Variants in RRM2 observed in about 807,000 individuals in gnomAD.
RRM2 encodes the protein ribonucleotide reductase regulatory subunit M2.
In RRM2, 6 loss-of-function variants were observed where a neutral mutation model predicts 45.9. That is an observed-to-expected ratio of 0.13 (90% CI 0.07 to 0.26). RRM2 has a LOEUF of 0.26. RRM2 is among the 10% of genes least tolerant of loss of function. The pLI, the probability that RRM2 is intolerant of heterozygous loss-of-function variation, is 1.00. For synonymous variants in RRM2, 177 were observed against 173.0 expected (o/e 1.02, Z -0.18); for missense variants, 343 against 489.5 (o/e 0.70, Z 2.82).
downstream of RRM2, chr2:10,131,541 T>A (rs918570982): frequency 6.6e-6 from 1 of 152,044 alleles, no homozygotes; most frequent in Admixed American, 6.5e-5. Flanking sequence ...GAGTTCGAGA[T>A]CAGCCTGGCC....
chr2:10,173,645 GGA>G (rs1014671132), intron 3 of RRM2, among the ~76,000 whole-genome samples: 2 of 152,270 alleles, frequency 1.3e-5, no homozygotes, highest in African/African-American at 2.4e-5. Context: ...AGGAGAGCGA[GGA>G]GAGAGGTGAT....
chr2:10,198,019 C>T (rs1177944949), intron 3 of RRM2, among the ~76,000 whole-genome samples: 4 of 152,176 alleles, frequency 2.6e-5, no homozygotes, highest in African/African-American at 9.7e-5. Context: ...TCCGCTCTGT[C>T]GTTGTAGGTG....
At chr2:10,176,137 C>T (rs768305952) in intron 3 of RRM2, among the ~76,000 whole-genome samples, 2 of 152,136 alleles carry the variant, frequency 1.3e-5, no homozygotes, top group Non-Finnish European at 2.9e-5. Flanking sequence ...AGCATCTGCC[C>T]AAGTTTTAGA....
intron 3 of RRM2, among the ~76,000 whole-genome samples, chr2:10,193,688 T>C (rs1255788072): frequency 6.6e-6 from 1 of 152,130 alleles, no homozygotes; most frequent in Non-Finnish European, 1.5e-5. Context: ...CAGGTTCAGG[T>C]TACCCAAGTC....
Position 10,185,113 on chromosome 2 carries a change from T to C in RRM2, n.483-25198T>C, listed in dbSNP as rs2125326874. ...CGGTAGATTTGGAAGATTTCTGTGA[T>C]GTTTTGTTTGACTAATGCTTATTTT... is the stretch of plus-strand genomic sequence containing the variant. On this transcript the variant is annotated intron_variant and non_coding_transcript_variant, in intron 3 of 3. Coordinates refer to the RRM2 transcript ENST00000381786. The surrounding 1 kb of genome is among the most constrained non-coding windows in gnomAD (Gnocchi z 4.3). Among the ~76,000 whole-genome samples, 1 of 152,356 alleles carries C rather than the reference T, an allele frequency of 6.6e-6. No homozygotes were observed. The highest frequency in any genetic ancestry group is 1.5e-5 in the Non-Finnish European group (1 of 68,040).
At chr2:10,155,322 C>T (rs1663401164) in intron 3 of RRM2, 1 of 164,066 alleles carries the variant, frequency 6.1e-6, no homozygotes, top group Non-Finnish European at 1.3e-5. Context: ...TTAATTTCCA[C>T]CTGGCTACAT....
chr2:10,196,767 A>G (rs369642905), intron 3 of RRM2, among the ~76,000 whole-genome samples: 2 of 152,338 alleles, frequency 1.3e-5, no homozygotes, highest in Non-Finnish European at 2.9e-5. Flanking sequence ...ATGCCAAGCC[A>G]GAGCCGGGAG....
At chr2:10,136,098 C>T (rs1366614829), downstream of RRM2, among the ~76,000 whole-genome samples, 1 of 152,152 alleles carries the variant, frequency 6.6e-6, no homozygotes, top group African/African-American at 2.4e-5. Context: ...GAAGATGTTC[C>T]ATCTTCCTGT....
intron 3 of RRM2, among the ~76,000 whole-genome samples, chr2:10,163,624 G>A (rs904678095): frequency 6.6e-6 from 1 of 152,208 alleles, no homozygotes; most frequent in African/African-American, 2.4e-5. Context: ...GAACTATGGG[G>A]TCCACAGCAG....
Position 10,142,816 on chromosome 2 carries a change from C to T in RRM2, n.482+441C>T, listed in dbSNP as rs377226699. Among the ~76,000 whole-genome samples, 9 of 152,234 alleles carry T rather than the reference C, an allele frequency of 5.9e-5. No homozygotes were observed. The South Asian group carries it at 8.3e-4, about 14-fold the overall frequency. On this transcript the variant is annotated intron_variant and non_coding_transcript_variant, in intron 3 of 3. Transcript: ENST00000381786. ...TCGGCCCTGCCTGAGCCCAGGTGCC[C>T]GCGGGCTCCCCGCTCACCTCTGCCT... is the stretch of plus-strand genomic sequence containing the variant.
rs1287846063 is a variant in RRM2, at chr2:10,122,834, G to T, written c.36G>T (p.Thr12=). ...LSLRVPLAPI[T]DPQQLQLSPL... is the part of the protein sequence containing the mutation. ...TCCGTGTCCCGCTCGCGCCCATCAC[G>T]GACCCGCAGCAGCTGCAGCTCTCGC... The change falls in exon 1 of 10, where the codon ACG becomes ACT. Residue 12 remains threonine (T), a synonymous_variant. Coordinates refer to ENST00000304567, the MANE Select transcript of RRM2 (RefSeq NM_001034.4). The T allele has an allele frequency of 1.2e-6, 2 of 1,600,598 alleles. No homozygotes were observed. The highest frequency in any genetic ancestry group is 1.7e-6 in the Non-Finnish European group (2 of 1,175,260).
downstream of RRM2, among the ~76,000 whole-genome samples, chr2:10,132,048 G>A (rs1662912969): frequency 1.3e-5 from 2 of 152,196 alleles, no homozygotes; most frequent in African/African-American, 4.8e-5. Flanking sequence ...CTCCAGCACA[G>A]GTTTGGATTG....
At chr2:10,200,080 A>G (rs1454117063) in intron 3 of RRM2, among the ~76,000 whole-genome samples, 1 of 152,142 alleles carries the variant, frequency 6.6e-6, no homozygotes, top group East Asian at 1.9e-4. Context: ...TGATCCACCC[A>G]TGTCAGCCTC....
rs71391198 is a variant in RRM2, at chr2:10,157,016, C to CTTTTTTTTTTT, written n.482+14654_482+14664dup. The stretch of plus-strand genomic sequence containing the variant: ...GGGAGTTTCTGAGCTCAGCCCATTT[C>CTTTTTTTTTTT]TTTTTTTTTTTTTTTTTTTTTTTGA... On this transcript the variant is annotated intron_variant and non_coding_transcript_variant, in intron 3 of 3. Transcript: ENST00000381786. 1.4e-4 allele frequency among the ~76,000 whole-genome samples: 12 copies of CTTTTTTTTTTT among 85,924 alleles called. 1 individual carries two copies. The highest frequency in any genetic ancestry group is 4.5e-4 in the South Asian group (1 of 2,220). The allele number at this position is 85,924 out of a possible 152,430, so 56.4% of individuals were successfully genotyped here.
Position 10,141,778 on chromosome 2 carries a change from CTGGGG to C in RRM2, n.261-75_261-71del, listed in dbSNP as rs1378570850. ...CAGAGCCCCAGGAGGTGGCCATGGC[CTGGGG>C]CTGGGGCTGGGGCTGGGAGGCGGTT... On this transcript the variant is annotated intron_variant and non_coding_transcript_variant, in intron 1 of 3. Transcript: ENST00000381786. 2.0e-4 allele frequency: 306 copies of C among 1,540,420 alleles called. 1 individual carries two copies. In the African/African-American group the frequency reaches 3.7e-3, roughly 19 times the overall value.
At chr2:10,150,254 T>C (rs1663278557) in intron 3 of RRM2, among the ~76,000 whole-genome samples, 5 of 152,104 alleles carry the variant, frequency 3.3e-5, no homozygotes, top group Admixed American at 3.3e-4. Flanking sequence ...GAGACCATCC[T>C]GGCTAACACG....
intron 3 of RRM2, among the ~76,000 whole-genome samples, chr2:10,190,183 T>G (rs1206489077): frequency 6.7e-6 from 1 of 148,464 alleles, no homozygotes; most frequent in Admixed American, 6.7e-5. Flanking sequence ...GTGATGGTTA[T>G]GATGGTGGTG....
chr2:10,147,724 AC>A (rs1397459345), intron 3 of RRM2, among the ~76,000 whole-genome samples: 1 of 151,798 alleles, frequency 6.6e-6, no homozygotes, highest in East Asian at 1.9e-4. Flanking sequence ...ATTTTCTCTT[AC>A]CCCTTCTCCT....
At chr2:10,190,786 T>C (rs939255451) in intron 3 of RRM2, among the ~76,000 whole-genome samples, 2 of 149,752 alleles carry the variant, frequency 1.3e-5, no homozygotes, top group African/African-American at 4.9e-5. Context: ...GCAATGGTGG[T>C]GGTGATGGTG....
Sources: allele counts gnomAD v4.1 joint callset (sites outside exome capture counted in the v4.1 genomes callset), GRCh38; gene constraint gnomAD v4.1.1; non-coding constraint Gnocchi (gnomAD v3.1); transcripts MANE v1.5; gene names NCBI Gene and HGNC (gene_info 2026-07-23, HGNC 2026-07-21).